PTPRD: variants seen among roughly 807,000 people sequenced by gnomAD.
The protein encoded by PTPRD is receptor-type tyrosine-protein phosphatase delta.
In PTPRD, 34 loss-of-function variants were observed where a neutral mutation model predicts 214.5. That is an observed-to-expected ratio of 0.16 (90% CI 0.12 to 0.21). The LOEUF is 0.21. Among genes scored for constraint, PTPRD ranks in the 10% least tolerant of loss-of-function variants. The probability of loss-of-function intolerance (pLI) is 1.00; values close to 1 mark genes in which losing one functional copy is unlikely to be tolerated. For missense variants in PTPRD, 2,545 were observed against 2,398.7 expected, an observed-to-expected ratio of 1.06 and a Z score of -1.27; for synonymous variants, 1,128 against 845.7, an observed-to-expected ratio of 1.33 and a Z score of -5.79.
chr9:9,007,473 A>ATT (rs34466364), intron 11 of PTPRD, among the ~76,000 whole-genome samples: 2 of 133,444 alleles, frequency 1.5e-5, no homozygotes, highest in African/African-American at 2.6e-5. Context: ...TTAAAAATAT[A>ATT]TTTTTTTTTA....
rs1398876602 is a variant in PTPRD at position 9,684,628 on chromosome 9, G to T, written c.-287+49905C>A. ...TAAATATTCACTAAATACATAAAAG[G>T]CCTTTTTTGTTAGCAATAGACAAAT... On this transcript the variant is annotated intron_variant, in intron 7 of 45. Coordinates refer to ENST00000381196, the MANE Select transcript of PTPRD (RefSeq NM_002839.4). Among the ~76,000 whole-genome samples the T allele has an allele frequency of 1.3e-5, 2 of 151,498 alleles. 1 individual carries two copies. The highest frequency in any genetic ancestry group is 3.0e-5 in the Non-Finnish European group (2 of 67,740).
chr9:9,184,227 C>T (rs964520288), intron 9 of PTPRD, among the ~76,000 whole-genome samples: 9 of 152,062 alleles, frequency 5.9e-5, no homozygotes, highest in South Asian at 2.1e-4. Flanking sequence ...CCCTATCACA[C>T]GTTATCACAT....
At chr9:10,264,208 C>T (rs1450611075) in intron 3 of PTPRD, among the ~76,000 whole-genome samples, 2 of 152,292 alleles carry the variant, frequency 1.3e-5, no homozygotes, top group East Asian at 3.9e-4. Context: ...CACATAGAGT[C>T]CCCACTGGGG....
intron 3 of PTPRD, among the ~76,000 whole-genome samples, chr9:10,048,337 C>T (rs28512454): frequency 0.067 from 10,213 of 152,180 alleles, 392 homozygotes; most frequent in Non-Finnish European, 0.087. Context: ...CCCAGTACTT[C>T]AGGTCTGCTT....
intron 5 of PTPRD, among the ~76,000 whole-genome samples, chr9:9,916,193 C>G (rs2080748630): frequency 6.6e-6 from 1 of 151,774 alleles, no homozygotes; most frequent in Non-Finnish European, 1.5e-5. Context: ...TAAGGGAACT[C>G]ATTACTACTA....
intron 8 of PTPRD, among the ~76,000 whole-genome samples, chr9:9,427,491 A>C (rs1164423122): frequency 6.6e-6 from 1 of 152,130 alleles, no homozygotes; most frequent in Non-Finnish European, 1.5e-5. Flanking sequence ...AACACTCTTC[A>C]GGATATTATC....
chr9:8,458,815 G>T (rs1457795649), intron 33 of PTPRD, among the ~76,000 whole-genome samples: 2 of 152,056 alleles, frequency 1.3e-5, no homozygotes, highest in East Asian at 3.9e-4. Flanking sequence ...AATGAGAGGA[G>T]ATTTTGGCTT....
At chr9:8,916,570 G>A (rs2098787655) in intron 11 of PTPRD, among the ~76,000 whole-genome samples, 1 of 152,120 alleles carries the variant, frequency 6.6e-6, no homozygotes. Flanking sequence ...CTATGAAATA[G>A]AACAGAGATT....
chr9:9,155,015 A>G (rs1170499542), intron 10 of PTPRD, among the ~76,000 whole-genome samples: 1 of 152,158 alleles, frequency 6.6e-6, no homozygotes, highest in East Asian at 1.9e-4. Flanking sequence ...CTGCTTTGTT[A>G]GATACAATAT....
chr9:10,502,778 T>C (rs2044220273), intron 2 of PTPRD, among the ~76,000 whole-genome samples: 2 of 152,058 alleles, frequency 1.3e-5, no homozygotes, highest in Non-Finnish European at 2.9e-5. Context: ...AGTTGACCCA[T>C]AAAATATCCA....
intron 2 of PTPRD, among the ~76,000 whole-genome samples, chr9:10,344,585 G>A (rs142782846): frequency 8.5e-5 from 13 of 152,222 alleles, no homozygotes; most frequent in South Asian, 2.1e-4. Context: ...TTGGTAGCTT[G>A]ATGAGGATGG....
chr9:9,083,784 C>T (rs934380176), intron 10 of PTPRD, among the ~76,000 whole-genome samples: 3 of 151,822 alleles, frequency 2.0e-5, no homozygotes, highest in African/African-American at 7.3e-5. Context: ...TTTATGCAGC[C>T]AAAAAACATA....
chr9:10,294,739 T>A (rs2095626349), intron 3 of PTPRD, among the ~76,000 whole-genome samples: 1 of 151,948 alleles, frequency 6.6e-6, no homozygotes, highest in African/African-American at 2.4e-5. Flanking sequence ...TATCAGAAAT[T>A]AGGTGGATTG....
At chr9:9,732,855 A>G (rs1425282660) in intron 7 of PTPRD, among the ~76,000 whole-genome samples, 4 of 152,148 alleles carry the variant, frequency 2.6e-5, no homozygotes, top group East Asian at 3.9e-4. Context: ...AGGCTGAGGT[A>G]GGAGGATTTC....
At chr9:10,434,347 A>G (rs2098703217) in intron 2 of PTPRD, among the ~76,000 whole-genome samples, 1 of 151,892 alleles carries the variant, frequency 6.6e-6, no homozygotes, top group Admixed American at 6.6e-5. Context: ...AAGATTCCCG[A>G]CTACAAAAAT....
intron 9 of PTPRD, among the ~76,000 whole-genome samples, chr9:9,299,452 A>G (rs191951717): frequency 2.0e-5 from 3 of 151,770 alleles, no homozygotes; most frequent in Admixed American, 2.0e-4. Context: ...CCAGTGCACA[A>G]TTTCAATGGT....
At chr9:10,478,753 T>C (rs2099078789) in intron 2 of PTPRD, among the ~76,000 whole-genome samples, 1 of 151,422 alleles carries the variant, frequency 6.6e-6, no homozygotes, top group African/African-American at 2.4e-5. Context: ...AATATATATA[T>C]ATTCACTCAA....
chr9:8,430,102 A>G (rs2094942204), intron 35 of PTPRD, among the ~76,000 whole-genome samples: 1 of 152,112 alleles, frequency 6.6e-6, no homozygotes, highest in Admixed American at 6.5e-5. Flanking sequence ...CCACACCACA[A>G]AATGTATAAC....
chr9:10,174,104 G>T (rs2099230242), intron 3 of PTPRD, among the ~76,000 whole-genome samples: 1 of 152,130 alleles, frequency 6.6e-6, no homozygotes, highest in South Asian at 2.1e-4. Flanking sequence ...ATGTGGTAGA[G>T]GTGAGGGTTA....
Sources: allele counts gnomAD v4.1 joint callset (sites outside exome capture counted in the v4.1 genomes callset), GRCh38; gene constraint gnomAD v4.1.1; transcripts MANE v1.5; gene names NCBI Gene and HGNC (gene_info 2026-07-23, HGNC 2026-07-21).